The following KIF26B variants were observed in gnomAD, a reference collection of about 807,000 sequenced individuals.
KIF26B encodes kinesin-like protein KIF26B.
Under a neutral mutation model 151.2 loss-of-function variants are expected in KIF26B, and 63 were observed. The ratio of observed to expected loss-of-function variants is 0.42; its 90% confidence interval spans 0.34 to 0.51. The LOEUF is 0.51. Among genes scored for constraint, KIF26B ranks in the 20% least tolerant of loss-of-function variants. KIF26B has a pLI of 0.07. For synonymous variants in KIF26B, 1,357 were observed against 1,262.1 expected (o/e 1.08, Z -1.59); for missense variants, 2,813 against 2,913.6 (o/e 0.97, Z 0.79).
intron 5 of KIF26B, among the ~76,000 whole-genome samples, chr1:245,579,933 C>T (rs868319910): frequency 1.3e-5 from 2 of 152,010 alleles, no homozygotes; most frequent in Non-Finnish European, 2.9e-5. Context: ...ACAGTGGTGG[C>T]GGGCTGGCCC....
intron 2 of KIF26B, among the ~76,000 whole-genome samples, chr1:245,234,960 C>T (rs1470321425): frequency 1.3e-5 from 2 of 152,126 alleles, no homozygotes; most frequent in African/African-American, 4.8e-5. Flanking sequence ...CCTCCTGCCC[C>T]TGTGTCTTTC....
intron 2 of KIF26B, among the ~76,000 whole-genome samples, chr1:245,163,165 A>G (rs1445251130): frequency 6.6e-6 from 1 of 152,170 alleles, no homozygotes; most frequent in East Asian, 1.9e-4. Flanking sequence ...ATCTTCTAGA[A>G]TGTTCTCACT....
intron 4 of KIF26B, among the ~76,000 whole-genome samples, chr1:245,510,691 G>C (rs767396147): frequency 1.3e-4 from 16 of 123,896 alleles, no homozygotes; most frequent in Non-Finnish European, 2.2e-4. Context: ...CTCTCTCTCT[G>C]AGATAGCAGA....
At chr1:245,247,419 A>G (rs1424888940) in intron 2 of KIF26B, among the ~76,000 whole-genome samples, 3 of 152,282 alleles carry the variant, frequency 2.0e-5, no homozygotes, top group South Asian at 2.1e-4. Context: ...GATCCTGCCA[A>G]TGTACCCCAG....
intron 11 of KIF26B, 83 bp from the exon 12 acceptor site, chr1:245,685,322 C>A: frequency 8.4e-7 from 1 of 1,192,672 alleles, no homozygotes; most frequent in Non-Finnish European, 1.2e-6. Flanking sequence ...CGTCAGGGGC[C>A]TTCACCACTT....
chr1:245,204,989 T>C (rs1400641743), intron 2 of KIF26B, among the ~76,000 whole-genome samples: 3 of 152,162 alleles, frequency 2.0e-5, no homozygotes, highest in Non-Finnish European at 2.9e-5. Context: ...TCTTGCTATG[T>C]TGCCCAGGCT....
rs533420286 is a variant in KIF26B, at chr1:245,183,013, G to A, written c.465+26330G>A. Among the ~76,000 whole-genome samples the A allele has an allele frequency of 6.6e-5, 10 of 152,294 alleles. No individual in the cohort carries two copies. The East Asian group carries it at 1.5e-3, about 24-fold the overall frequency. On this transcript the variant is annotated intron_variant, in intron 2 of 14. Transcript: ENST00000407071. Reference sequence around the variant, plus strand: ...CCTCCCAGCAACAGATGAGGCTTTCGATGCTAGTATCACCCTGTAGCTTTG... The same window carrying A: ...CCTCCCAGCAACAGATGAGGCTTTCAATGCTAGTATCACCCTGTAGCTTTG...
chr1:245,189,825 G>C (rs1669065816), intron 2 of KIF26B, among the ~76,000 whole-genome samples: 1 of 152,214 alleles, frequency 6.6e-6, no homozygotes, highest in Non-Finnish European at 1.5e-5. Context: ...AGGTTTAATG[G>C]ACTCACAGTT....
chr1:245,687,428 G>C lies in KIF26B; in HGVS notation c.4445G>C (p.Gly1482Ala). 1 of 1,588,466 alleles carries C rather than the reference G, an allele frequency of 6.3e-7. No homozygotes were observed. Among genetic ancestry groups the C allele is most frequent in the Non-Finnish European group, 8.6e-7 (1 of 1,167,840 alleles). The stretch of plus-strand genomic sequence containing the variant: ...ACCAGAGCAGAGCAGGAGCAGGACG[G>C]AAAGCCCAGTCCGGGAGACAGGCTC... ...AETRAEQEQD[G>A]KPSPGDRLSS... is the part of the protein sequence containing the mutation. The change falls in exon 12 of 15, where the codon GGA becomes GCA. Residue 1482 changes from glycine (G) to alanine (A), a missense_variant. Physicochemically the swap from Gly to Ala is moderately conservative, Grantham distance 60. Transcript: ENST00000407071. The surrounding 1 kb of genome is among the most constrained non-coding windows in gnomAD (Gnocchi z 4.9).
intron 12 of KIF26B, among the ~76,000 whole-genome samples, chr1:245,696,055 G>A (rs186439559): frequency 2.4e-4 from 37 of 152,342 alleles, no homozygotes; most frequent in African/African-American, 6.3e-4. Flanking sequence ...TCCCATCCGC[G>A]GTAGCCAGGC....
At chr1:245,585,690 CTGAT>C (rs1402077261) in intron 5 of KIF26B, among the ~76,000 whole-genome samples, 1 of 152,236 alleles carries the variant, frequency 6.6e-6, no homozygotes, top group Non-Finnish European at 1.5e-5. Flanking sequence ...AGATCTGTCT[CTGAT>C]TCTTTCCATG....
chr1:245,452,194 T>C (rs1299172777), intron 4 of KIF26B, among the ~76,000 whole-genome samples: 3 of 152,230 alleles, frequency 2.0e-5, no homozygotes, highest in Non-Finnish European at 4.4e-5. Flanking sequence ...ATTTAACCTT[T>C]TGTGTCTGAT....
intron 2 of KIF26B, among the ~76,000 whole-genome samples, chr1:245,325,665 C>A (rs980625532): frequency 1.3e-5 from 2 of 151,604 alleles, no homozygotes; most frequent in East Asian, 3.9e-4. Flanking sequence ...GAGCCAAGAT[C>A]GCATCGTTGC....
At position 245,367,759 on chromosome 1, in the gene KIF26B, T is replaced by C. The variant is rs1572026703; in HGVS notation, c.999+392T>C. Reference sequence around the variant, plus strand: ...GTCCAAGCCCCGACTTGTCCACTTATTAGCAGCGTGACTTGGCACAAGGGG... The same window carrying C: ...GTCCAAGCCCCGACTTGTCCACTTACTAGCAGCGTGACTTGGCACAAGGGG... On this transcript the variant is annotated intron_variant, in intron 3 of 14. Coordinates refer to ENST00000407071, the MANE Select transcript of KIF26B (RefSeq NM_018012.4). The surrounding 1 kb of genome is among the most constrained non-coding windows in gnomAD (Gnocchi z 4.2). Among the ~76,000 whole-genome samples the C allele has an allele frequency of 2.0e-5, 3 of 152,362 alleles. No individual in the cohort carries two copies. In the South Asian group the frequency reaches 6.2e-4, roughly 32 times the overall value.
intron 10 of KIF26B, among the ~76,000 whole-genome samples, chr1:245,678,468 G>C (rs57057250): frequency 1.2e-4 from 19 of 152,046 alleles, no homozygotes; most frequent in Non-Finnish European, 2.4e-4. Context: ...AGTGTTCTCG[G>C]CATTTAAATA....
chr1:245,241,733 C>T lies in KIF26B; in HGVS notation c.465+85050C>T, dbSNP rs547967444. ...CCCATGGCAGCCCCAGCTGGCTGCC[C>T]GCTCCCTCCTGTGGGCAGTGCTTCA... On this transcript the variant is annotated intron_variant, in intron 2 of 14. Transcript: ENST00000407071. The surrounding 1 kb of genome is among the most constrained non-coding windows in gnomAD (Gnocchi z 5.0). 3.4e-4 allele frequency among the ~76,000 whole-genome samples: 52 copies of T among 152,322 alleles called. No homozygotes were observed. Among genetic ancestry groups the T allele is most frequent in the Admixed American group, 1.0e-3 (16 of 15,304 alleles).
Position 245,524,748 on chromosome 1 carries a change from T to C in KIF26B, c.1167-16019T>C, listed in dbSNP as rs572015586. On this transcript the variant is annotated intron_variant, in intron 4 of 14. Transcript: ENST00000407071. ...AAATACTTAACAATTTAATATTTTA[T>C]GTTTTTTTCTTTCATAGTTTAATTT... Among the ~76,000 whole-genome samples, 4 of 152,354 alleles carry C rather than the reference T, an allele frequency of 2.6e-5. No homozygotes were observed. The East Asian group carries it at 7.7e-4, about 29-fold the overall frequency.
At chr1:245,604,885 G>T (rs1044512502) in intron 6 of KIF26B, among the ~76,000 whole-genome samples, 1 of 152,120 alleles carries the variant, frequency 6.6e-6, no homozygotes, top group African/African-American at 2.4e-5. Context: ...GAATTCAGTG[G>T]GGTAGGAAGA....
intron 2 of KIF26B, among the ~76,000 whole-genome samples, chr1:245,191,641 C>T (rs1297984770): frequency 6.6e-6 from 1 of 152,074 alleles, no homozygotes; most frequent in Non-Finnish European, 1.5e-5. Flanking sequence ...AACATTTGTA[C>T]GTTGACAAAA....
Sources: allele counts gnomAD v4.1 joint callset (sites outside exome capture counted in the v4.1 genomes callset), GRCh38; gene constraint gnomAD v4.1.1; non-coding constraint Gnocchi (gnomAD v3.1); transcripts MANE v1.5; gene names NCBI Gene and HGNC (gene_info 2026-07-23, HGNC 2026-07-21).